CHCHD3: variants seen among roughly 807,000 people sequenced by gnomAD.
CHCHD3 encodes the protein coiled-coil-helix-coiled-coil-helix domain containing 3.
CHCHD3 carries 20 observed loss-of-function variants against 38.2 expected under a neutral mutation model. That is an observed-to-expected ratio of 0.52 (90% confidence interval 0.37 to 0.76). The LOEUF is 0.76. Ranked by LOEUF, CHCHD3 falls within the 30% of genes least tolerant of loss-of-function variation. The pLI is 0.00. For missense variants in CHCHD3, 245 were observed against 279.2 expected (o/e 0.88, Z 0.87); for synonymous variants, 82 against 100.0 (o/e 0.82, Z 1.07).
At chr7:132,985,034 GC>G (rs1344564995) in intron 3 of CHCHD3, among the ~76,000 whole-genome samples, 1 of 94,940 alleles carries the variant, frequency 1.1e-5, no homozygotes, top group African/African-American at 3.9e-5. Context: ...GTGGGGGTCA[GC>G]CCCCCGCCCG....
At chr7:132,939,003 G>A (rs1326924631) in intron 4 of CHCHD3, among the ~76,000 whole-genome samples, 2 of 152,252 alleles carry the variant, frequency 1.3e-5, no homozygotes, top group South Asian at 2.1e-4. Flanking sequence ...AACAATAACC[G>A]AATGTACTGG....
intron 1 of CHCHD3, among the ~76,000 whole-genome samples, chr7:133,079,998 C>G (rs980174671): frequency 6.6e-6 from 1 of 152,178 alleles, no homozygotes; most frequent in African/African-American, 2.4e-5. Flanking sequence ...TATTAGAGAT[C>G]TGAGGGATGT....
chr7:132,833,456 T>C (rs1240376724), intron 6 of CHCHD3, among the ~76,000 whole-genome samples: 1 of 152,220 alleles, frequency 6.6e-6, no homozygotes, highest in Admixed American at 6.5e-5. Context: ...TAACTTGATA[T>C]GCATTGGAAA....
At chr7:132,816,698 G>C (rs540577699) in intron 6 of CHCHD3, among the ~76,000 whole-genome samples, 92 of 152,268 alleles carry the variant, frequency 6.0e-4, no homozygotes, top group African/African-American at 2.1e-3. Context: ...CGGCTTGCCT[G>C]ATCACTCCAA....
At chr7:132,976,378 T>C (rs529276212) in intron 3 of CHCHD3, among the ~76,000 whole-genome samples, 2 of 152,290 alleles carry the variant, frequency 1.3e-5, no homozygotes, top group South Asian at 4.1e-4. Flanking sequence ...GATTTCTCAG[T>C]AGCCTCATCA....
intron 4 of CHCHD3, among the ~76,000 whole-genome samples, chr7:132,906,577 G>C (rs1396392795): frequency 5.9e-5 from 9 of 152,108 alleles, no homozygotes; most frequent in African/African-American, 2.2e-4. Context: ...AGTGTGACAA[G>C]ACTGGTTTTA....
chr7:132,859,021 G>C (rs1808417056), intron 5 of CHCHD3, among the ~76,000 whole-genome samples: 1 of 152,126 alleles, frequency 6.6e-6, no homozygotes, highest in Non-Finnish European at 1.5e-5. Flanking sequence ...CCGAGCTCCA[G>C]AGGTAATATG....
chr7:133,050,026 G>A (rs2117498408), intron 2 of CHCHD3, among the ~76,000 whole-genome samples: 1 of 152,250 alleles, frequency 6.6e-6, no homozygotes, highest in East Asian at 1.9e-4. Context: ...ATCTATGTGA[G>A]ATCAAGAAGG....
intron 5 of CHCHD3, among the ~76,000 whole-genome samples, chr7:132,881,057 CA>C (rs1809039633): frequency 6.6e-6 from 1 of 152,112 alleles, no homozygotes; most frequent in Non-Finnish European, 1.5e-5. Flanking sequence ...GATAACTTAG[CA>C]ACATTTGAGT....
chr7:133,047,186 TC>T (rs1814016973), intron 2 of CHCHD3, among the ~76,000 whole-genome samples: 1 of 152,194 alleles, frequency 6.6e-6, no homozygotes, highest in African/African-American at 2.4e-5. Flanking sequence ...CAATGGGACT[TC>T]TTTTTTTTTA....
chr7:133,057,857 A>T (rs906959791), intron 2 of CHCHD3, among the ~76,000 whole-genome samples: 2 of 152,156 alleles, frequency 1.3e-5, no homozygotes, highest in Non-Finnish European at 2.9e-5. Flanking sequence ...AAGATTTATT[A>T]AAAAAATAAA....
chr7:132,864,321 G>A (rs1808562043), intron 5 of CHCHD3, among the ~76,000 whole-genome samples: 2 of 152,198 alleles, frequency 1.3e-5, no homozygotes, highest in Admixed American at 1.3e-4. Flanking sequence ...AATGGCTGAT[G>A]GGTGGAGGAG....
intron 3 of CHCHD3, among the ~76,000 whole-genome samples, chr7:133,015,327 A>G (rs1378050446): frequency 6.7e-6 from 1 of 148,544 alleles, no homozygotes; most frequent in African/African-American, 2.5e-5. Context: ...TGGGCGACAG[A>G]GCCAGACAAC....
intron 1 of CHCHD3, among the ~76,000 whole-genome samples, chr7:133,072,638 G>C (rs967954088): frequency 3.3e-5 from 5 of 152,032 alleles, no homozygotes; most frequent in Non-Finnish European, 5.9e-5. Context: ...AGGAGATCGA[G>C]ACCATCCTGG....
At chr7:132,897,133 C>A (rs1413473900) in intron 4 of CHCHD3, among the ~76,000 whole-genome samples, 1 of 152,206 alleles carries the variant, frequency 6.6e-6, no homozygotes, top group African/African-American at 2.4e-5. Context: ...ATATCTCTAT[C>A]TTCTTATTCC....
intron 6 of CHCHD3, among the ~76,000 whole-genome samples, chr7:132,807,895 C>T (rs1442118679): frequency 3.3e-5 from 5 of 151,464 alleles, no homozygotes; most frequent in Admixed American, 1.3e-4. Flanking sequence ...TTGTATCCTC[C>T]GAGAAATTGC....
At chr7:132,803,441 G>A (rs1806838457) in intron 6 of CHCHD3, among the ~76,000 whole-genome samples, 1 of 152,000 alleles carries the variant, frequency 6.6e-6, no homozygotes, top group Admixed American at 6.6e-5. Context: ...ACAGAAATAT[G>A]TTCATCATGA....
chr7:132,848,113 C>T (rs112069241), intron 5 of CHCHD3, among the ~76,000 whole-genome samples: 7 of 152,186 alleles, frequency 4.6e-5, no homozygotes, highest in African/African-American at 1.7e-4. Flanking sequence ...TGAGACTGTC[C>T]TGTGTCTAAA....
intron 5 of CHCHD3, among the ~76,000 whole-genome samples, chr7:132,842,671 A>G (rs1807968653): frequency 6.6e-6 from 1 of 152,172 alleles, no homozygotes; most frequent in Non-Finnish European, 1.5e-5. Context: ...GATATTTTGT[A>G]GAGTGACTCG....
Sources: allele counts gnomAD v4.1 joint callset (sites outside exome capture counted in the v4.1 genomes callset), GRCh38; gene constraint gnomAD v4.1.1; transcripts MANE v1.5; gene names NCBI Gene and HGNC (gene_info 2026-07-23, HGNC 2026-07-21).